Variants in POLR3B observed in about 807,000 individuals in gnomAD.
POLR3B encodes the protein RNA polymerase III subunit B.
POLR3B carries 96 observed loss-of-function variants against 147.4 expected under a neutral mutation model. The ratio of observed to expected loss-of-function variants is 0.65; its 90% CI spans 0.55 to 0.77. POLR3B has a LOEUF of 0.77. Among genes scored for constraint, POLR3B ranks in the 30% least tolerant of loss-of-function variants. The pLI, the probability that POLR3B is intolerant of heterozygous loss-of-function variation, is 0.00. For synonymous variants in POLR3B, 461 were observed against 485.9 expected (o/e 0.95, Z 0.67); for missense variants, 1,036 against 1,413.5 (o/e 0.73, Z 4.28).
At chr12:106,414,364 G>A (rs1021889021) in intron 12 of POLR3B, among the ~76,000 whole-genome samples, 2 of 151,714 alleles carry the variant, frequency 1.3e-5, no homozygotes, top group Non-Finnish European at 2.9e-5. Context: ...CTTTGTTTAT[G>A]AACTCATATT....
At chr12:106,426,585 G>T (rs1334908087) in intron 12 of POLR3B, among the ~76,000 whole-genome samples, 1 of 152,044 alleles carries the variant, frequency 6.6e-6, no homozygotes, top group African/African-American at 2.4e-5. Context: ...AAAGTGCTGG[G>T]ATTACAGGCA....
chr12:106,419,794 C>CTTTTTTTTTTT (rs56756383), intron 12 of POLR3B, among the ~76,000 whole-genome samples: 5 of 88,942 alleles, frequency 5.6e-5, no homozygotes, highest in Admixed American at 1.7e-4. Context: ...TTTAGTTTTG[C>CTTTTTTTTTTT]TTTTTTTTTT....
chr12:106,360,881 G>A (rs1339907884), intron 1 of POLR3B, among the ~76,000 whole-genome samples: 1 of 152,210 alleles, frequency 6.6e-6, no homozygotes, highest in African/African-American at 2.4e-5. Context: ...CATGCAATAG[G>A]TACTGTGATA....
At chr12:106,503,995 C>T in intron 26 of POLR3B, 86 bp from the exon 27 acceptor site, 2 of 1,245,704 alleles carry the variant, frequency 1.6e-6, no homozygotes, top group Non-Finnish European at 2.4e-6. Context: ...TGCTCCAAAG[C>T]CTCGTGCTCT....
rs2036405015 is a variant in POLR3B at position 106,357,790 on chromosome 12, C to A, written c.-90C>A. The A allele has an allele frequency of 2.3e-6, 3 of 1,307,510 alleles. No homozygotes were observed. The highest frequency in any genetic ancestry group is 3.2e-6 in the Non-Finnish European group (3 of 924,294). 81.0% of individuals were successfully genotyped at this position (1,307,510 alleles called of 1,614,324 possible). Reference sequence around the variant, plus strand: ...ACGGCGGGGACAGTTTAGGCCTCCGCGCACCGTTCGCCGGGAGTCTTGCAG... The same window carrying A: ...ACGGCGGGGACAGTTTAGGCCTCCGAGCACCGTTCGCCGGGAGTCTTGCAG... On this transcript the variant is annotated 5_prime_UTR_variant, in exon 1 of 28. Transcript: ENST00000228347.
chr12:106,486,615 G>A (rs2038343972), intron 23 of POLR3B, among the ~76,000 whole-genome samples: 1 of 152,030 alleles, frequency 6.6e-6, no homozygotes, highest in Non-Finnish European at 1.5e-5. Context: ...CATTCTTCCT[G>A]GATAAGCAGC....
At chr12:106,440,038 G>A (rs10861606) in intron 18 of POLR3B, among the ~76,000 whole-genome samples, 128,151 of 152,176 alleles carry the variant, frequency 0.84, 54,041 homozygotes, top group Middle Eastern at 0.9. Flanking sequence ...CAGCTTGGGC[G>A]AGAGAGTGAG....
intron 1 of POLR3B, among the ~76,000 whole-genome samples, chr12:106,362,526 C>A (rs906922838): frequency 1.3e-5 from 2 of 152,278 alleles, no homozygotes; most frequent in Admixed American, 6.5e-5. Context: ...TGTTTGCTGG[C>A]AATCTTTGGC....
At chr12:106,374,546 G>A (rs972393908) in intron 6 of POLR3B, among the ~76,000 whole-genome samples, 11 of 149,292 alleles carry the variant, frequency 7.4e-5, no homozygotes, top group Admixed American at 1.3e-4. Flanking sequence ...ATGGAGTCTC[G>A]CTCTGTTGCC....
intron 10 of POLR3B, among the ~76,000 whole-genome samples, chr12:106,396,831 C>CCT (rs1190016947): frequency 2.0e-5 from 3 of 151,904 alleles, no homozygotes; most frequent in Non-Finnish European, 4.4e-5. Context: ...GTAGGTCACA[C>CCT]CTGTTATACT....
intron 23 of POLR3B, among the ~76,000 whole-genome samples, chr12:106,466,923 T>C (rs1261126000): frequency 6.6e-6 from 1 of 152,224 alleles, no homozygotes; most frequent in Non-Finnish European, 1.5e-5. Context: ...CAGGATTGTC[T>C]TGGGTATGTG....
At chr12:106,386,386 C>A (rs2036838281) in intron 9 of POLR3B, among the ~76,000 whole-genome samples, 1 of 150,512 alleles carries the variant, frequency 6.6e-6, no homozygotes, top group African/African-American at 2.4e-5. Context: ...TGTAGAATTA[C>A]ATCTCCAGCA....
intron 23 of POLR3B, among the ~76,000 whole-genome samples, chr12:106,491,366 G>A (rs1241446216): frequency 6.6e-6 from 1 of 152,122 alleles, no homozygotes; most frequent in African/African-American, 2.4e-5. Context: ...CTCTACATAG[G>A]TCTAAGAGTC....
chr12:106,376,255 A>T, intron 6 of POLR3B, 104 bp from the exon 7 acceptor site: 1 of 776,392 alleles, frequency 1.3e-6, no homozygotes, highest in Non-Finnish European at 2.3e-6. Context: ...TGGTGCATAG[A>T]TAGACCCTTA....
At chr12:106,379,420 A>C (rs1271365121) in intron 8 of POLR3B, among the ~76,000 whole-genome samples, 1 of 152,238 alleles carries the variant, frequency 6.6e-6, no homozygotes, top group Non-Finnish European at 1.5e-5. Context: ...CAGTTTGACT[A>C]TGTAGAAGAT....
intron 9 of POLR3B, among the ~76,000 whole-genome samples, chr12:106,388,024 T>C (rs1214136532): frequency 6.6e-6 from 1 of 152,232 alleles, no homozygotes; most frequent in African/African-American, 2.4e-5. Context: ...ACTTGATGGT[T>C]GTTGATTATA....
intron 7 of POLR3B, among the ~76,000 whole-genome samples, chr12:106,377,453 A>G (rs2036696910): frequency 6.6e-6 from 1 of 152,228 alleles, no homozygotes; most frequent in Admixed American, 6.5e-5. Context: ...CTGCAGGTAT[A>G]AAATGAAGTA....
At chr12:106,482,502 G>A (rs1592767459) in intron 23 of POLR3B, among the ~76,000 whole-genome samples, 1 of 151,370 alleles carries the variant, frequency 6.6e-6, no homozygotes, top group African/African-American at 2.4e-5. Context: ...AGAGCAGGAG[G>A]AAGAGAGAGA....
chr12:106,359,221 A>C (rs562831546), intron 1 of POLR3B, among the ~76,000 whole-genome samples: 106 of 152,210 alleles, frequency 7.0e-4, no homozygotes, highest in Non-Finnish European at 1.4e-3. Flanking sequence ...AAGGAAAACA[A>C]AACAAAACCT....
Sources: gnomAD v4.1 joint callset for allele counts (sites outside exome capture counted in the v4.1 genomes callset) on GRCh38, gnomAD v4.1.1 for gene constraint, MANE v1.5 for transcripts, NCBI Gene and HGNC (gene_info 2026-07-23, HGNC 2026-07-21) for gene names.